The following DLGAP2 variants were observed in gnomAD, a reference collection of about 807,000 sequenced individuals.
The protein encoded by DLGAP2 is disks large-associated protein 2.
A neutral mutation model predicts 100.3 loss-of-function variants in DLGAP2; 26 were observed. The ratio of observed to expected loss-of-function variants is 0.26; its 90% CI spans 0.19 to 0.36. The LOEUF (loss-of-function observed/expected upper bound fraction) is 0.36. Among genes scored for constraint, DLGAP2 ranks in the 10% least tolerant of loss-of-function variants. The probability of loss-of-function intolerance (pLI) is 1.00; values close to 1 mark genes in which losing one functional copy is unlikely to be tolerated. For synonymous variants in DLGAP2, 886 were observed against 630.1 expected, an observed-to-expected ratio of 1.41 and a Z score of -6.08; for missense variants, 1,858 against 1,453.2, an observed-to-expected ratio of 1.28 and a Z score of -4.53.
At chr8:1,371,649 G>A (rs940766183) in intron 3 of DLGAP2, among the ~76,000 whole-genome samples, 1 of 152,256 alleles carries the variant, frequency 6.6e-6, no homozygotes, top group Non-Finnish European at 1.5e-5. Context: ...GAAACTGGAT[G>A]TTGAAATTTG....
chr8:1,564,740 C>A (rs987504536), intron 5 of DLGAP2, among the ~76,000 whole-genome samples: 1 of 152,226 alleles, frequency 6.6e-6, no homozygotes. Context: ...CTGCACCAGG[C>A]AGACACATAA....
At chr8:1,422,152 T>A (rs1797105771) in intron 3 of DLGAP2, among the ~76,000 whole-genome samples, 1 of 152,154 alleles carries the variant, frequency 6.6e-6, no homozygotes, top group Non-Finnish European at 1.5e-5. Context: ...ACGGACCACA[T>A]GGCTGAGTCG....
At chr8:1,200,686 A>C (rs906007035) in intron 2 of DLGAP2, among the ~76,000 whole-genome samples, 1 of 151,506 alleles carries the variant, frequency 6.6e-6, no homozygotes, top group East Asian at 1.9e-4. Flanking sequence ...ACAGCCCTTG[A>C]CCTTCAAAGG....
At chr8:1,149,706 G>A (rs138511455) in intron 2 of DLGAP2, among the ~76,000 whole-genome samples, 291 of 152,216 alleles carry the variant, frequency 1.9e-3, no homozygotes, top group Non-Finnish European at 3.5e-3. Flanking sequence ...TACTATTCCT[G>A]TTGTATTCTC....
At chr8:1,308,023 T>A (rs1450848419) in intron 3 of DLGAP2, among the ~76,000 whole-genome samples, 1 of 152,106 alleles carries the variant, frequency 6.6e-6, no homozygotes, top group African/African-American at 2.4e-5. Flanking sequence ...CCACCGTTTT[T>A]CCAAAAAGAA....
At chr8:1,695,052 C>T (rs1014675255) in intron 13 of DLGAP2, among the ~76,000 whole-genome samples, 2 of 152,122 alleles carry the variant, frequency 1.3e-5, no homozygotes, top group African/African-American at 2.4e-5. Flanking sequence ...GAGGGGGGCA[C>T]GGGAAGGCGA....
At chr8:1,319,981 G>A (rs767304774) in intron 3 of DLGAP2, among the ~76,000 whole-genome samples, 3 of 152,152 alleles carry the variant, frequency 2.0e-5, no homozygotes, top group Admixed American at 2.0e-4. Context: ...TAACAGGGGT[G>A]GGGGAGAATA....
At chr8:1,114,026 C>A (rs1356144820) in intron 2 of DLGAP2, among the ~76,000 whole-genome samples, 1 of 152,178 alleles carries the variant, frequency 6.6e-6, no homozygotes, top group Non-Finnish European at 1.5e-5. Flanking sequence ...TTGAACCAAC[C>A]TTGCATCCAG....
At chr8:1,630,215 C>T (rs565394055) in intron 7 of DLGAP2, among the ~76,000 whole-genome samples, 1 of 152,158 alleles carries the variant, frequency 6.6e-6, no homozygotes, top group African/African-American at 2.4e-5. Flanking sequence ...CAGAAACAAA[C>T]GTAGTAGGTG....
At chr8:1,655,407 A>G (rs546216094) in intron 8 of DLGAP2, among the ~76,000 whole-genome samples, 3 of 152,322 alleles carry the variant, frequency 2.0e-5, no homozygotes, top group South Asian at 2.1e-4. Context: ...AGAGAGTGCA[A>G]TGAATGCAAG....
intron 1 of DLGAP2, among the ~76,000 whole-genome samples, chr8:765,927 G>A (rs891321664): frequency 6.6e-6 from 1 of 152,158 alleles, no homozygotes; most frequent in Non-Finnish European, 1.5e-5. Flanking sequence ...CCAGTACTTT[G>A]GGAGGCTGAT....
At chr8:1,595,903 G>C (rs1301048809) in intron 6 of DLGAP2, among the ~76,000 whole-genome samples, 1 of 149,558 alleles carries the variant, frequency 6.7e-6, no homozygotes, top group Non-Finnish European at 1.5e-5. Flanking sequence ...TTAAGTTTTA[G>C]GGTACATGTG....
intron 1 of DLGAP2, among the ~76,000 whole-genome samples, chr8:887,786 TG>T (rs1797951437): frequency 6.6e-6 from 1 of 152,218 alleles, no homozygotes; most frequent in Admixed American, 6.5e-5. Flanking sequence ...TTGGCCTTTC[TG>T]TCTGGCTGCC....
At chr8:922,246 A>AT (rs1324849456) in intron 2 of DLGAP2, among the ~76,000 whole-genome samples, 1 of 152,182 alleles carries the variant, frequency 6.6e-6, no homozygotes, top group Non-Finnish European at 1.5e-5. Flanking sequence ...TCTCTAACCC[A>AT]TTAACCGTAT....
At chr8:899,300 C>T (rs1798205867) in intron 1 of DLGAP2, among the ~76,000 whole-genome samples, 2 of 152,236 alleles carry the variant, frequency 1.3e-5, no homozygotes, top group Non-Finnish European at 1.5e-5. Flanking sequence ...CCAAAGGTGG[C>T]CTTCCCGTGG....
intron 3 of DLGAP2, among the ~76,000 whole-genome samples, chr8:1,329,575 A>G (rs1411070740): frequency 6.6e-6 from 1 of 152,208 alleles, no homozygotes; most frequent in Non-Finnish European, 1.5e-5. Context: ...AATTCGGTAG[A>G]TGCTTACTGA....
At chr8:1,379,306 C>T (rs1017174073) in intron 3 of DLGAP2, among the ~76,000 whole-genome samples, 3 of 152,256 alleles carry the variant, frequency 2.0e-5, no homozygotes, top group East Asian at 1.9e-4. Context: ...CAGCTCAGTG[C>T]GAGGCATGGG....
intron 2 of DLGAP2, among the ~76,000 whole-genome samples, chr8:1,221,539 A>G (rs1037279583): frequency 2.0e-5 from 3 of 151,758 alleles, no homozygotes; most frequent in Non-Finnish European, 2.9e-5. Context: ...TTTTTTTTTC[A>G]TGCTGACTTT....
intron 2 of DLGAP2, among the ~76,000 whole-genome samples, chr8:1,019,957 A>G (rs1475048943): frequency 1.3e-5 from 2 of 152,202 alleles, no homozygotes; most frequent in African/African-American, 4.8e-5. Context: ...CCCCAGCAGC[A>G]CGATAAAATC....
Sources: gnomAD v4.1 joint callset for allele counts (sites outside exome capture counted in the v4.1 genomes callset) on GRCh38, gnomAD v4.1.1 for gene constraint, MANE v1.5 for transcripts, NCBI Gene and HGNC (gene_info 2026-07-23, HGNC 2026-07-21) for gene names.